Variants in ACTR3 observed in about 807,000 individuals in gnomAD.
The protein encoded by ACTR3 is actin-related protein 3.
ACTR3 carries 12 observed loss-of-function variants against 56.8 expected under a neutral mutation model. That is an observed-to-expected ratio of 0.21 (90% confidence interval 0.14 to 0.34). The LOEUF is 0.34. ACTR3 is among the 10% of genes least tolerant of loss of function. ACTR3 has a pLI of 1.00. For synonymous variants in ACTR3, 162 were observed against 167.4 expected, an observed-to-expected ratio of 0.97 and a Z score of 0.25; for missense variants, 282 against 512.5, an observed-to-expected ratio of 0.55 and a Z score of 4.34.
At chr2:113,949,404 A>G (rs570386715) in intron 8 of ACTR3, among the ~76,000 whole-genome samples, 10 of 139,600 alleles carry the variant, frequency 7.2e-5, no homozygotes, top group South Asian at 4.2e-4. Flanking sequence ...GAAAAAAAAA[A>G]AGAAAAAATT....
chr2:113,933,647 G>GT (rs1679764503), intron 5 of ACTR3, among the ~76,000 whole-genome samples: 1 of 148,146 alleles, frequency 6.8e-6, no homozygotes, highest in South Asian at 2.1e-4. Flanking sequence ...CGTGGACATA[G>GT]TTTAAGTTCT....
intron 1 of ACTR3, among the ~76,000 whole-genome samples, chr2:113,912,934 A>G (rs1048428421): frequency 1.9e-5 from 2 of 107,178 alleles, no homozygotes; most frequent in African/African-American, 1.3e-4. Flanking sequence ...ATTGTGTATT[A>G]TTTCACATAT....
chr2:113,917,144 A>T, intron 3 of ACTR3, 136 bp downstream of exon 3: 1 of 683,980 alleles, frequency 1.5e-6, no homozygotes, highest in Non-Finnish European at 2.1e-6. Flanking sequence ...CTTTTTCCCT[A>T]TGGCATCCTT....
chr2:113,910,701 C>T (rs1478637020), intron 1 of ACTR3, among the ~76,000 whole-genome samples: 2 of 152,176 alleles, frequency 1.3e-5, no homozygotes, highest in African/African-American at 4.8e-5. Context: ...CATTTGGTCC[C>T]AGAAGTCTTC....
rs1680323355 is a variant in ACTR3, at chr2:113,961,441, AAGATT to A, written c.*3988_*3992del. Reference sequence around the variant, plus strand: ...GAAAAACCTGAAAGAAAAAAAATGAAAGATTAAAAGTATACGATATTCTATTTTGA... The same window carrying A: ...GAAAAACCTGAAAGAAAAAAAATGAAAAAAGTATACGATATTCTATTTTGA... On this transcript the variant is annotated 3_prime_UTR_variant, in exon 12 of 12. Transcript: ENST00000263238. The A allele has an allele frequency of 1.3e-5, 2 of 152,130 alleles. No individual in the cohort carries two copies. The highest frequency in any genetic ancestry group is 4.1e-4 in the South Asian group (2 of 4,834). The allele number at this position is 152,130 out of a possible 1,614,324, so 9.4% of individuals were successfully genotyped here.
chr2:113,908,507 A>G (rs941748889), intron 1 of ACTR3, among the ~76,000 whole-genome samples: 2 of 151,660 alleles, frequency 1.3e-5, no homozygotes, highest in African/African-American at 4.8e-5. Flanking sequence ...TCTTTTTCTA[A>G]TAACAATTTT....
chr2:113,923,624 T>G (rs911512429), intron 3 of ACTR3, among the ~76,000 whole-genome samples: 12 of 152,208 alleles, frequency 7.9e-5, no homozygotes, highest in Middle Eastern at 3.4e-3. Flanking sequence ...CATGAGCCAC[T>G]GTGCCCGGCC....
chr2:113,939,941 C>T lies in ACTR3; in HGVS notation c.541-18C>T. On this transcript the variant is annotated intron_variant, in intron 6 of 11. Coordinates refer to ENST00000263238, the MANE Select transcript of ACTR3 (RefSeq NM_005721.5). ...AAAACATTGAAAGTAAATTTGGTAT[C>T]TTTTTTCCCCTCTCTAGGCTGAAGG... The T allele has an allele frequency of 1.3e-6, 2 of 1,548,484 alleles. No homozygotes were observed. The highest frequency in any genetic ancestry group is 1.9e-5 in the Admixed American group (1 of 52,320).
intron 1 of ACTR3, among the ~76,000 whole-genome samples, chr2:113,891,054 A>C (rs183579730): frequency 9.9e-5 from 15 of 152,264 alleles, no homozygotes; most frequent in African/African-American, 3.4e-4. Context: ...AGTTTTGTCA[A>C]AGCCGCTTCC....
intron 8 of ACTR3, among the ~76,000 whole-genome samples, chr2:113,947,047 T>G (rs1574381813): frequency 6.6e-6 from 1 of 152,220 alleles, no homozygotes; most frequent in African/African-American, 2.4e-5. Flanking sequence ...ACGGGAGAGA[T>G]AACCACATGT....
intron 3 of ACTR3, among the ~76,000 whole-genome samples, chr2:113,926,310 C>G (rs974965738): frequency 1.3e-5 from 2 of 152,302 alleles, no homozygotes; most frequent in East Asian, 3.9e-4. Flanking sequence ...ATTACTGTGA[C>G]TTGTAGATCA....
At chr2:113,947,959 T>TTA (rs1336961064) in intron 8 of ACTR3, among the ~76,000 whole-genome samples, 1 of 152,108 alleles carries the variant, frequency 6.6e-6, no homozygotes, top group Non-Finnish European at 1.5e-5. Context: ...TAAAAATCAG[T>TTA]TATATATATG....
intron 8 of ACTR3, among the ~76,000 whole-genome samples, chr2:113,948,421 A>G (rs548349851): frequency 5.9e-5 from 9 of 152,280 alleles, no homozygotes; most frequent in African/African-American, 2.2e-4. Flanking sequence ...AAGCGCTGGG[A>G]TTATAGGAAT....
intron 7 of ACTR3, among the ~76,000 whole-genome samples, chr2:113,941,611 G>A (rs1679926376): frequency 6.6e-6 from 1 of 152,014 alleles, no homozygotes; most frequent in African/African-American, 2.4e-5. Flanking sequence ...CAAATATGAT[G>A]TTATAATCTA....
intron 3 of ACTR3, among the ~76,000 whole-genome samples, chr2:113,922,981 A>G (rs1431793376): frequency 6.6e-6 from 1 of 152,222 alleles, no homozygotes; most frequent in African/African-American, 2.4e-5. Context: ...ACTGTGGCCA[A>G]AATGGAAAAG....
intron 3 of ACTR3, among the ~76,000 whole-genome samples, chr2:113,923,207 G>A (rs1334916683): frequency 1.3e-5 from 2 of 152,152 alleles, no homozygotes; most frequent in African/African-American, 2.4e-5. Context: ...TGAGTCTCAA[G>A]ATATTTGATA....
At chr2:113,920,810 G>GA (rs1247191923) in intron 3 of ACTR3, among the ~76,000 whole-genome samples, 1 of 152,168 alleles carries the variant, frequency 6.6e-6, no homozygotes, top group Non-Finnish European at 1.5e-5. Flanking sequence ...TGCCAGGAAT[G>GA]ACAGGATTTC....
intron 2 of ACTR3, 29 bp downstream of exon 2, chr2:113,913,256 G>A (rs765524218): frequency 6.6e-7 from 1 of 1,511,384 alleles, no homozygotes; most frequent in Non-Finnish European, 9.0e-7. Context: ...CCACAAATGA[G>A]CTGATTTAAA....
intron 5 of ACTR3, 34 bp downstream of exon 5, chr2:113,931,430 T>TA (rs750511269): frequency 7.0e-7 from 1 of 1,438,048 alleles, no homozygotes; most frequent in Non-Finnish European, 9.4e-7. Flanking sequence ...GTTTGATTCT[T>TA]ACATTTTAAC....
Sources: allele counts gnomAD v4.1 joint callset (sites outside exome capture counted in the v4.1 genomes callset), GRCh38; gene constraint gnomAD v4.1.1; transcripts MANE v1.5; gene names NCBI Gene and HGNC (gene_info 2026-07-23, HGNC 2026-07-21).